SASH1: variants seen among roughly 807,000 people sequenced by gnomAD.
SASH1 encodes SAM and SH3 domain-containing protein 1.
In SASH1, 44 loss-of-function variants were observed where a neutral mutation model predicts 125.2. The observed-to-expected ratio is 0.35, with a 90% CI of 0.28 to 0.45. The LOEUF (loss-of-function observed/expected upper bound fraction) is 0.45, where lower values mean the gene tolerates loss of function less well. Ranked by LOEUF, SASH1 falls within the 20% of genes least tolerant of loss-of-function variation. The pLI is 1.00. For missense variants in SASH1, 1,426 were observed against 1,614.5 expected (o/e 0.88, Z 2.00); for synonymous variants, 639 against 649.1 (o/e 0.98, Z 0.24).
chr6:148,396,470 G>A (rs6901688), intron 2 of SASH1, among the ~76,000 whole-genome samples: 2,170 of 103,534 alleles, frequency 0.021, 18 homozygotes, highest in Middle Eastern at 0.079. Context: ...GAGTGAGACT[G>A]CATCTCAGAA....
At chr6:148,245,591 G>A in the SASH1 span, among the ~76,000 whole-genome samples, 1 of 152,156 alleles carries the variant, frequency 6.6e-6, no homozygotes, top group Non-Finnish European at 1.5e-5. Context: ...CTTAATAACT[G>A]AAGGGACTTT....
At chr6:148,473,797 G>A (rs1021226608) in intron 6 of SASH1, among the ~76,000 whole-genome samples, 11 of 152,240 alleles carry the variant, frequency 7.2e-5, no homozygotes, top group African/African-American at 2.2e-4. Context: ...CACCTATAGC[G>A]AGGATCTCTC....
intron 4 of SASH1, 183 bp downstream of exon 4, chr6:148,440,590 G>A: frequency 3.4e-6 from 2 of 592,720 alleles, no homozygotes; most frequent in South Asian, 4.2e-5. Flanking sequence ...TTGTAATGCA[G>A]TTGGTGATGT....
intron 1 of SASH1, among the ~76,000 whole-genome samples, chr6:148,283,896 A>T (rs930249163): frequency 4.0e-5 from 6 of 151,672 alleles, no homozygotes; most frequent in African/African-American, 1.5e-4. Context: ...GAACACACTG[A>T]ATTGTTTAGG....
In SASH1 at chr6:148,307,856, G is replaced by A. The variant is rs536649020; in HGVS notation, n.74+35479G>A. 3.5e-4 allele frequency among the ~76,000 whole-genome samples: 53 copies of A among 152,126 alleles called. No individual in the cohort carries two copies. The South Asian group carries it at 9.6e-3, about 27-fold the overall frequency. ...ATGACTTTTCCAGTAATATTTGCAC[G>A]ACAAATATATTTTATTTAATTCTTT... On this transcript the variant is annotated intron_variant and non_coding_transcript_variant, in intron 1 of 3. Transcript: ENST00000367469.
chr6:148,476,508 C>T (rs898777511), intron 7 of SASH1, among the ~76,000 whole-genome samples: 1 of 152,024 alleles, frequency 6.6e-6, no homozygotes, highest in South Asian at 2.1e-4. Flanking sequence ...ATGGTGAAAC[C>T]CCGTCTCCAC....
intron 11 of SASH1, among the ~76,000 whole-genome samples, chr6:148,526,046 CTTTTTTTTTTTTTTT>C (rs34023266): frequency 1.1e-3 from 62 of 54,162 alleles, no homozygotes; most frequent in African/African-American, 3.5e-3. Flanking sequence ...GAAGGTGAGT[CTTTTTTTTTTTTTTT>C]TTTTTTTTTT....
At chr6:148,387,193 C>T (rs1355723124) in intron 1 of SASH1, among the ~76,000 whole-genome samples, 1 of 147,206 alleles carries the variant, frequency 6.8e-6, no homozygotes, top group Non-Finnish European at 1.5e-5. Context: ...TCTCGGCTCA[C>T]TGCAGCCTCC....
intron 5 of SASH1, chr6:148,469,113 T>C (rs6570852): frequency 0.8 from 121,363 of 152,120 alleles, 49,026 homozygotes; most frequent in African/African-American, 0.83. Flanking sequence ...AACAGCTATT[T>C]TGTTTGGGTC....
chr6:148,370,506 G>A (rs1782665027), intron 1 of SASH1, among the ~76,000 whole-genome samples: 1 of 152,020 alleles, frequency 6.6e-6, no homozygotes, highest in East Asian at 1.9e-4. Flanking sequence ...TCTTTGCTTT[G>A]GAGTCTCATG....
the SASH1 span, among the ~76,000 whole-genome samples, chr6:148,252,157 C>T: frequency 6.6e-6 from 1 of 151,884 alleles, no homozygotes; most frequent in Non-Finnish European, 1.5e-5. Context: ...TGTGGCCTCT[C>T]GAAAACCACA....
chr6:148,257,610 A>G, the SASH1 span, among the ~76,000 whole-genome samples: 8 of 143,164 alleles, frequency 5.6e-5, no homozygotes, highest in Non-Finnish European at 1.2e-4. Flanking sequence ...CACATGCTAT[A>G]TTGTCATTGT....
At chr6:148,336,321 GC>G (rs1303323283) in intron 1 of SASH1, among the ~76,000 whole-genome samples, 1 of 151,566 alleles carries the variant, frequency 6.6e-6, no homozygotes, top group Non-Finnish European at 1.5e-5. Flanking sequence ...GATTACAGGT[GC>G]CTGCCTCCAC....
intron 10 of SASH1, among the ~76,000 whole-genome samples, chr6:148,523,082 C>G (rs1454855387): frequency 6.6e-6 from 1 of 152,178 alleles, no homozygotes; most frequent in African/African-American, 2.4e-5. Flanking sequence ...CATGTGAAAA[C>G]TTAAATGAGA....
intron 1 of SASH1, among the ~76,000 whole-genome samples, chr6:148,327,449 T>C (rs1352057143): frequency 3.3e-5 from 5 of 151,426 alleles, no homozygotes; most frequent in Non-Finnish European, 7.4e-5. Context: ...CACGCCCGGC[T>C]AATTTTTTTA....
intron 1 of SASH1, among the ~76,000 whole-genome samples, chr6:148,273,293 TTTC>T (rs1779107402): frequency 8.4e-6 from 1 of 119,002 alleles, no homozygotes; most frequent in African/African-American, 3.0e-5. Context: ...TTTTTCTTTC[TTTC>T]TTTTTTTTTT....
At chr6:148,387,501 C>CT (rs1173821176) in intron 1 of SASH1, among the ~76,000 whole-genome samples, 1 of 147,174 alleles carries the variant, frequency 6.8e-6, no homozygotes, top group African/African-American at 2.5e-5. Flanking sequence ...TCTCTCTTCT[C>CT]TCTCTTTCTT....
the SASH1 span, among the ~76,000 whole-genome samples, chr6:148,215,672 A>G: frequency 6.6e-6 from 1 of 152,112 alleles, no homozygotes; most frequent in Non-Finnish European, 1.5e-5. Context: ...CAACATTGTA[A>G]TGACTATCTT....
chr6:148,327,183 G>T (rs1780852985), intron 1 of SASH1, among the ~76,000 whole-genome samples: 1 of 151,998 alleles, frequency 6.6e-6, no homozygotes, highest in African/African-American at 2.4e-5. Flanking sequence ...TCCAGACCTG[G>T]CACATGTGAG....
Sources: allele counts gnomAD v4.1 joint callset (sites outside exome capture counted in the v4.1 genomes callset), GRCh38; gene constraint gnomAD v4.1.1; transcripts MANE v1.5; gene names NCBI Gene and HGNC (gene_info 2026-07-23, HGNC 2026-07-21).